Variants in PAPPA observed in about 807,000 individuals in gnomAD.
PAPPA encodes pappalysin 1.
A neutral mutation model predicts 164.0 loss-of-function variants in PAPPA; 60 were observed. That is an observed-to-expected ratio of 0.37 (90% CI 0.30 to 0.45). The LOEUF is 0.45. PAPPA is among the 20% of genes least tolerant of loss of function. PAPPA has a pLI of 1.00. For synonymous variants in PAPPA, 875 were observed against 814.1 expected, an observed-to-expected ratio of 1.07 and a Z score of -1.27; for missense variants, 1,782 against 2,087.3, an observed-to-expected ratio of 0.85 and a Z score of 2.85.
At chr9:116,289,142 ATATATATAT>A (rs1845386370) in intron 9 of PAPPA, among the ~76,000 whole-genome samples, 1 of 33,734 alleles carries the variant, frequency 3.0e-5, no homozygotes, top group Admixed American at 4.9e-4. Flanking sequence ...ATATATATAT[ATATATATAT>A]ATATATATAG....
intron 10 of PAPPA, among the ~76,000 whole-genome samples, chr9:116,327,621 C>A (rs1748354447): frequency 6.6e-6 from 1 of 151,858 alleles, no homozygotes; most frequent in South Asian, 2.1e-4. Flanking sequence ...GAAAACAGAG[C>A]ATCCCCATAA....
chr9:116,179,913 T>C (rs191207645), intron 1 of PAPPA, among the ~76,000 whole-genome samples: 1 of 152,306 alleles, frequency 6.6e-6, no homozygotes, highest in East Asian at 1.9e-4. Flanking sequence ...AGCTTTTAAT[T>C]TTTTTAGCCT....
intron 10 of PAPPA, among the ~76,000 whole-genome samples, chr9:116,330,617 G>A (rs1407178323): frequency 6.6e-6 from 1 of 150,434 alleles, no homozygotes. Flanking sequence ...GTGTGCGTGT[G>A]TGTGTAGGGG....
chr9:116,223,253 C>G (rs1169106586), intron 5 of PAPPA, among the ~76,000 whole-genome samples: 5 of 152,166 alleles, frequency 3.3e-5, no homozygotes, highest in Non-Finnish European at 7.4e-5. Flanking sequence ...GATTTATTTA[C>G]TTTTTCTGTG....
At chr9:116,251,782 G>C (rs1392871622) in intron 7 of PAPPA, among the ~76,000 whole-genome samples, 1 of 152,188 alleles carries the variant, frequency 6.6e-6, no homozygotes, top group East Asian at 1.9e-4. Context: ...AAAAAAACAA[G>C]AGTTCTTTGT....
At chr9:116,179,662 C>A (rs1417640002) in intron 1 of PAPPA, among the ~76,000 whole-genome samples, 1 of 152,194 alleles carries the variant, frequency 6.6e-6, no homozygotes. Flanking sequence ...CTCTGAATGC[C>A]TGATGGTGCT....
intron 15 of PAPPA, among the ~76,000 whole-genome samples, chr9:116,348,902 A>G (rs1460335449): frequency 6.6e-6 from 1 of 152,110 alleles, no homozygotes; most frequent in East Asian, 1.9e-4. Context: ...TCAGTCTATC[A>G]TTGATAGGCA....
intron 2 of PAPPA, among the ~76,000 whole-genome samples, chr9:116,189,268 T>C (rs889604871): frequency 1.3e-5 from 2 of 152,214 alleles, no homozygotes; most frequent in African/African-American, 2.4e-5. Flanking sequence ...AACCAGATTT[T>C]AAATACTTTT....
chr9:116,168,903 C>A (rs3789272), intron 1 of PAPPA, among the ~76,000 whole-genome samples: 1 of 152,244 alleles, frequency 6.6e-6, no homozygotes, highest in South Asian at 2.1e-4. Flanking sequence ...GGAGCAGAGA[C>A]CATTTTGGTC....
intron 13 of PAPPA, among the ~76,000 whole-genome samples, chr9:116,340,443 G>A (rs1347663576): frequency 1.3e-5 from 2 of 152,224 alleles, no homozygotes; most frequent in East Asian, 1.9e-4. Flanking sequence ...GTGCCCTTGG[G>A]CAAGCAATTT....
intron 5 of PAPPA, among the ~76,000 whole-genome samples, chr9:116,226,172 G>C (rs1844505118): frequency 2.0e-5 from 3 of 152,190 alleles, no homozygotes; most frequent in African/African-American, 7.2e-5. Flanking sequence ...GTGAAGCAGA[G>C]GATAGTATGA....
At chr9:116,379,627 T>C (rs1465988447) in intron 20 of PAPPA, among the ~76,000 whole-genome samples, 1 of 152,146 alleles carries the variant, frequency 6.6e-6, no homozygotes, top group African/African-American at 2.4e-5. Flanking sequence ...TTGATAAAGT[T>C]TTGCACAAAT....
intron 7 of PAPPA, among the ~76,000 whole-genome samples, chr9:116,249,525 A>G (rs1564198394): frequency 6.6e-6 from 1 of 152,136 alleles, no homozygotes; most frequent in East Asian, 1.9e-4. Flanking sequence ...GTTTTAGGAC[A>G]TCTTTTTGGC....
chr9:116,301,768 C>G (rs10513272), intron 9 of PAPPA, among the ~76,000 whole-genome samples: 1 of 152,036 alleles, frequency 6.6e-6, no homozygotes, highest in Admixed American at 6.5e-5. Context: ...CTAGGGTATC[C>G]GACAAGCCCT....
chr9:116,261,086 T>TA (rs1844995451), intron 7 of PAPPA, among the ~76,000 whole-genome samples: 1 of 152,236 alleles, frequency 6.6e-6, no homozygotes, highest in African/African-American at 2.4e-5. Flanking sequence ...TCCTAAGTGT[T>TA]AGTTTCCTCA....
At position 116,211,692 on chromosome 9, in the gene PAPPA, A is replaced by G. The variant is rs768270539; in HGVS notation, c.1678A>G (p.Met560Val). ...TGGCATGCCTGGGCACACCCACACC[A>G]TGATCCATGAGATTGGTCACAGCCT... is the stretch of plus-strand genomic sequence containing the variant. ...FYGMPGHTHT[M>V]IHEIGHSLGL... is the part of the protein sequence containing the mutation. Residue 560 changes from methionine to valine, a missense_variant, in exon 4 of 22, where the codon ATG becomes GTG. Around this residue, in one of 2 missense-constraint regions of PAPPA, gnomAD observed 1,324 missense variants for 1,656.9 expected, o/e 0.80. Transcript: ENST00000328252. 3 of 1,614,108 alleles carry G rather than the reference A, an allele frequency of 1.9e-6. No individual in the cohort carries two copies. Among genetic ancestry groups the G allele is most frequent in the Non-Finnish European group, 2.5e-6 (3 of 1,180,008 alleles).
chr9:116,300,551 G>A (rs572662273), intron 9 of PAPPA, among the ~76,000 whole-genome samples: 1 of 152,280 alleles, frequency 6.6e-6, no homozygotes, highest in Non-Finnish European at 1.5e-5. Flanking sequence ...GGGATTACAG[G>A]CATGAGCCAC....
intron 1 of PAPPA, among the ~76,000 whole-genome samples, chr9:116,167,809 A>G (rs891558856): frequency 6.6e-6 from 1 of 152,298 alleles, no homozygotes; most frequent in African/African-American, 2.4e-5. Context: ...TTAATCTGCT[A>G]AAAACAAATG....
At chr9:116,389,168 T>C (rs1457503846) in intron 21 of PAPPA, among the ~76,000 whole-genome samples, 1 of 150,142 alleles carries the variant, frequency 6.7e-6, no homozygotes, top group Non-Finnish European at 1.5e-5. Context: ...GTCTCACTCT[T>C]GTCACCCAGG....
Sources: allele counts gnomAD v4.1 joint callset (sites outside exome capture counted in the v4.1 genomes callset), GRCh38; gene constraint gnomAD v4.1.1; regional missense constraint gnomAD v4.1.1; transcripts MANE v1.5; gene names NCBI Gene and HGNC (gene_info 2026-07-23, HGNC 2026-07-21).